The following ULK4 variants were observed in gnomAD, a reference collection of about 807,000 sequenced individuals.
ULK4 encodes the protein unc-51 like kinase 4.
In ULK4, 133 loss-of-function variants were observed where a neutral mutation model predicts 160.6. The ratio of observed to expected loss-of-function variants is 0.83; its 90% CI spans 0.72 to 0.96. The LOEUF (loss-of-function observed/expected upper bound fraction) is 0.96. Among genes scored for constraint, ULK4 ranks in the 40% least tolerant of loss-of-function variants. ULK4 has a pLI of 0.00. For missense variants in ULK4, 1,580 were observed against 1,499.5 expected, an observed-to-expected ratio of 1.05 and a Z score of -0.89; for synonymous variants, 534 against 539.8, an observed-to-expected ratio of 0.99 and a Z score of 0.15.
At chr3:41,308,718 T>C (rs578188118) in intron 35 of ULK4, among the ~76,000 whole-genome samples, 16 of 152,324 alleles carry the variant, frequency 1.1e-4, no homozygotes, top group African/African-American at 3.6e-4. Flanking sequence ...CTGAAAGTTT[T>C]TGAATGCTGA....
chr3:41,461,506 G>A (rs1219664242), intron 33 of ULK4, among the ~76,000 whole-genome samples: 1 of 152,098 alleles, frequency 6.6e-6, no homozygotes, highest in Admixed American at 6.6e-5. Context: ...AGTGGTCAAG[G>A]CCAAAAGCAA....
intron 32 of ULK4, among the ~76,000 whole-genome samples, chr3:41,504,560 C>T (rs2085316038): frequency 6.6e-6 from 1 of 151,974 alleles, no homozygotes; most frequent in Admixed American, 6.6e-5. Flanking sequence ...TGACAAGCTA[C>T]AAAGGGAGAA....
At chr3:41,439,035 A>G (rs553273940) in intron 34 of ULK4, among the ~76,000 whole-genome samples, 22 of 152,116 alleles carry the variant, frequency 1.4e-4, no homozygotes, top group African/African-American at 5.3e-4. Flanking sequence ...CGGACTATCA[A>G]TCCAGGTGTG....
intron 17 of ULK4, among the ~76,000 whole-genome samples, chr3:41,853,153 CAT>C (rs10575532): frequency 0.055 from 8,382 of 152,158 alleles, 414 homozygotes; most frequent in East Asian, 0.16. Flanking sequence ...TCTGTAAAAA[CAT>C]AGATTGCAAA....
At position 41,255,053 on chromosome 3, in the gene ULK4, T is replaced by C. The variant is rs564637114; in HGVS notation, c.3679-5479A>G. Among the ~76,000 whole-genome samples, 19 of 150,886 alleles carry C rather than the reference T, an allele frequency of 1.3e-4. No individual in the cohort carries two copies. In the East Asian group the frequency reaches 2.9e-3, roughly 23 times the overall value. On this transcript the variant is annotated intron_variant, in intron 35 of 36. Coordinates refer to ENST00000301831, the MANE Select transcript of ULK4 (RefSeq NM_017886.4). ...TTACCAAATGCTCCAAGTAAAAGAT[T>C]TCAAGCTGTATATAAACAAAATAAA...
chr3:41,871,042 A>T (rs1313839656), intron 17 of ULK4, among the ~76,000 whole-genome samples: 1 of 152,166 alleles, frequency 6.6e-6, no homozygotes, highest in Non-Finnish European at 1.5e-5. Context: ...CCATGTAAAG[A>T]GGTGCCTTCT....
At chr3:41,796,904 C>G (rs1000390866) in intron 20 of ULK4, among the ~76,000 whole-genome samples, 1 of 152,068 alleles carries the variant, frequency 6.6e-6, no homozygotes, top group African/African-American at 2.4e-5. Context: ...TACGTGGTAT[C>G]AGGAGTTAAG....
chr3:41,807,309 A>G (rs1340958569), intron 19 of ULK4, among the ~76,000 whole-genome samples: 1 of 152,230 alleles, frequency 6.6e-6, no homozygotes. Flanking sequence ...AATGATGATT[A>G]TAATAGGTCT....
In ULK4 at chr3:41,954,588, C is replaced by A. The variant is rs778091131; in HGVS notation, c.138+34G>T. On this transcript the variant is annotated intron_variant, in intron 2 of 36. Coordinates refer to ENST00000301831, the MANE Select transcript of ULK4 (RefSeq NM_017886.4). ...CCCCTTCTACCTATTGTAGCTCTCT[C>A]TTTCCCCATGCCAATGGAAATACAC... 8.1e-6 allele frequency: 13 copies of A among 1,595,934 alleles called. No homozygotes were observed. The South Asian group carries it at 1.4e-4, about 17-fold the overall frequency.
At chr3:41,475,186 T>C (rs2084102843) in intron 32 of ULK4, among the ~76,000 whole-genome samples, 1 of 152,324 alleles carries the variant, frequency 6.6e-6, no homozygotes, top group Admixed American at 6.5e-5. Flanking sequence ...CTGTCATTTG[T>C]GACAACATGG....
intron 21 of ULK4, among the ~76,000 whole-genome samples, chr3:41,785,489 G>C (rs1469460810): frequency 1.3e-5 from 2 of 152,128 alleles, no homozygotes; most frequent in African/African-American, 4.8e-5. Flanking sequence ...GTAGCAAACA[G>C]TAATTTCTTT....
intron 29 of ULK4, among the ~76,000 whole-genome samples, chr3:41,676,135 T>C (rs2035705648): frequency 6.6e-6 from 1 of 152,136 alleles, no homozygotes; most frequent in Non-Finnish European, 1.5e-5. Flanking sequence ...ACCTAATAAA[T>C]GGGCATTGAT....
chr3:41,405,353 A>C (rs968102698), intron 34 of ULK4, among the ~76,000 whole-genome samples: 1 of 152,102 alleles, frequency 6.6e-6, no homozygotes, highest in Non-Finnish European at 1.5e-5. Flanking sequence ...TATATGTATC[A>C]TATTTTCTTT....
chr3:41,620,409 T>C (rs1419960702), intron 30 of ULK4, among the ~76,000 whole-genome samples: 1 of 152,148 alleles, frequency 6.6e-6, no homozygotes, highest in East Asian at 1.9e-4. Flanking sequence ...ATCAAAAAGC[T>C]TATCCACCAC....
intron 19 of ULK4, among the ~76,000 whole-genome samples, chr3:41,802,640 G>A (rs570240531): frequency 2.0e-5 from 3 of 152,184 alleles, no homozygotes; most frequent in African/African-American, 7.2e-5. Flanking sequence ...AATGTATTGT[G>A]AGCTTTATAA....
chr3:41,799,107 G>A (rs2040383765), intron 20 of ULK4, among the ~76,000 whole-genome samples: 1 of 152,070 alleles, frequency 6.6e-6, no homozygotes, highest in Non-Finnish European at 1.5e-5. Flanking sequence ...GGGGTTGAGG[G>A]CATAAGGAAA....
At chr3:41,262,842 T>C (rs945381094) in intron 35 of ULK4, among the ~76,000 whole-genome samples, 5 of 152,198 alleles carry the variant, frequency 3.3e-5, no homozygotes, top group Non-Finnish European at 7.3e-5. Flanking sequence ...TTGAATATAA[T>C]ATAGCTGCTT....
chr3:41,624,183 A>G (rs1371643147), intron 30 of ULK4, among the ~76,000 whole-genome samples: 2 of 152,208 alleles, frequency 1.3e-5, no homozygotes, highest in East Asian at 3.9e-4. Context: ...GAACAACTTC[A>G]GGTCCAGCAC....
intron 32 of ULK4, among the ~76,000 whole-genome samples, chr3:41,536,207 C>A (rs996589875): frequency 1.3e-5 from 2 of 152,158 alleles, no homozygotes; most frequent in Admixed American, 1.3e-4. Context: ...TCTGAAACTG[C>A]CTCTCTTAGT....
Sources: allele counts gnomAD v4.1 joint callset (sites outside exome capture counted in the v4.1 genomes callset), GRCh38; gene constraint gnomAD v4.1.1; transcripts MANE v1.5; gene names NCBI Gene and HGNC (gene_info 2026-07-23, HGNC 2026-07-21).